DMD: variants seen among roughly 807,000 people sequenced by gnomAD.
The protein encoded by DMD is dystrophin, also known as mutant dystrophin.
Under a neutral mutation model 330.1 loss-of-function variants are expected in DMD, and 63 were observed. The observed-to-expected ratio is 0.19, with a 90% confidence interval of 0.16 to 0.24. DMD has a LOEUF of 0.24. DMD is among the 10% of genes least tolerant of loss of function. The pLI is 1.00. For synonymous variants in DMD, 1,223 were observed against 959.8 expected (o/e 1.27, Z -5.07); for missense variants, 3,344 against 2,684.1 (o/e 1.25, Z -5.43).
At chrX:31,554,137 C>T (rs913928244) in intron 55 of DMD, among the ~76,000 whole-genome samples, 4 of 112,093 alleles carry the variant, frequency 3.6e-5, no homozygotes, top group Non-Finnish European at 7.5e-5. Flanking sequence ...ACCACTGAAA[C>T]AATATATGTG....
rs145277514 is a variant in DMD at position 31,421,187 on chromosome X, G to T, written c.9084+23294C>A. Among the ~76,000 whole-genome samples the T allele has an allele frequency of 9.0e-3, 1,003 of 111,724 alleles. 2 individuals are homozygous for T. Among genetic ancestry groups the T allele is most frequent in the South Asian group, 0.024 (65 of 2,692 alleles). On this transcript the variant is annotated intron_variant, in intron 60 of 78. Coordinates refer to ENST00000357033, the MANE Select transcript of DMD (RefSeq NM_004006.3). ...GTTTCTATATGGGGTTGCCTTTCAC[G>T]TCCCCTCCCCTTGCAGAGATAATGA...
intron 29 of DMD, among the ~76,000 whole-genome samples, chrX:32,418,726 C>A (rs1488695032): frequency 9.1e-6 from 1 of 110,357 alleles, no homozygotes; most frequent in Non-Finnish European, 1.9e-5. Flanking sequence ...TTGTTTAGAA[C>A]CGGCAAGATG....
At chrX:32,479,732 T>C (rs2041646077) in intron 21 of DMD, among the ~76,000 whole-genome samples, 1 of 109,978 alleles carries the variant, frequency 9.1e-6, no homozygotes, top group Non-Finnish European at 1.9e-5. Flanking sequence ...TATCTCTATA[T>C]ATCAGTATAT....
chrX:32,159,677 C>T (rs1274022302), intron 44 of DMD, among the ~76,000 whole-genome samples: 1 of 111,807 alleles, frequency 8.9e-6, no homozygotes, highest in Non-Finnish European at 1.9e-5. Context: ...ATTCAGCATC[C>T]AGACAGACAA....
At chrX:33,252,614 T>TG (rs201378871) in intron 1 of DMD, among the ~76,000 whole-genome samples, 10,291 of 107,262 alleles carry the variant, frequency 0.096, 1,014 homozygotes, top group African/African-American at 0.29. Context: ...TGGGGTTGAA[T>TG]GGGGGGGGTG....
At chrX:31,264,152 T>A (rs2050801157) in intron 62 of DMD, among the ~76,000 whole-genome samples, 1 of 112,404 alleles carries the variant, frequency 8.9e-6, no homozygotes, top group Non-Finnish European at 1.9e-5. Context: ...CAGCTTCGTT[T>A]CTTACTCTGT....
At chrX:32,779,746 A>T (rs187472564) in intron 7 of DMD, among the ~76,000 whole-genome samples, 1,720 of 102,753 alleles carry the variant, frequency 0.017, 27 homozygotes, top group Non-Finnish European at 0.026. Context: ...GAGGGATAGC[A>T]TTAGGAGATA....
chrX:33,058,471 A>ATTTT (rs1163854705), intron 1 of DMD, among the ~76,000 whole-genome samples: 2 of 51,053 alleles, frequency 3.9e-5, no homozygotes, highest in East Asian at 2.2e-3. Flanking sequence ...TTATTATTTT[A>ATTTT]TTTTTTTTTT....
chrX:33,110,033 C>A (rs778382813), intron 1 of DMD, among the ~76,000 whole-genome samples: 17 of 111,422 alleles, frequency 1.5e-4, no homozygotes, highest in African/African-American at 5.5e-4. Context: ...CCTGACCCTG[C>A]AAGCTCTCAC....
At chrX:32,557,694 T>C (rs1400249463) in intron 16 of DMD, among the ~76,000 whole-genome samples, 2 of 111,705 alleles carry the variant, frequency 1.8e-5, no homozygotes, top group Admixed American at 1.9e-4. Flanking sequence ...CTGGTAAAGA[T>C]TTGCATCTCT....
chrX:31,666,217 C>G (rs2081416455), intron 53 of DMD, among the ~76,000 whole-genome samples: 1 of 111,689 alleles, frequency 9.0e-6, no homozygotes, highest in Admixed American at 9.5e-5. Context: ...ATATCCAGTG[C>G]CTTTTCACGC....
chrX:32,692,314 C>T (rs2063337054), intron 9 of DMD, among the ~76,000 whole-genome samples: 1 of 112,073 alleles, frequency 8.9e-6, no homozygotes, highest in South Asian at 3.7e-4. Context: ...TGAGCTAAAA[C>T]CTAACAATTC....
chrX:32,737,481 TA>T (rs932651631), intron 7 of DMD, among the ~76,000 whole-genome samples: 6 of 109,255 alleles, frequency 5.5e-5, no homozygotes, highest in Admixed American at 2.0e-4. Context: ...CTTATTCCAT[TA>T]AAAAAAAAGA....
chrX:31,478,887 G>A, intron 58 of DMD, 96 bp downstream of exon 58: 1 of 940,979 alleles, frequency 1.1e-6, no homozygotes, highest in African/African-American at 2.0e-5. Context: ...AAGAAAATAT[G>A]AGAGCTATCC....
At chrX:32,554,873 GGAAAGAAGAAAGAAAGAAA>G (rs2050043094) in intron 16 of DMD, among the ~76,000 whole-genome samples, 3 of 31,164 alleles carry the variant, frequency 9.6e-5, no homozygotes, top group Non-Finnish European at 2.0e-4. Context: ...AGAGAGAGAA[GGAAAGAAGAAAGAAAGAAA>G]GAAAGAAAGA....
intron 17 of DMD, among the ~76,000 whole-genome samples, chrX:32,528,605 G>A: frequency 9.0e-6 from 1 of 111,205 alleles, no homozygotes; most frequent in Non-Finnish European, 1.9e-5. Context: ...AAGGGAAGTG[G>A]GGGTCAGACA....
At chrX:33,294,352 T>C (rs1366449837) in intron 1 of DMD, among the ~76,000 whole-genome samples, 3 of 111,358 alleles carry the variant, frequency 2.7e-5, no homozygotes, top group Non-Finnish European at 3.8e-5. Flanking sequence ...ATTTCAGAAG[T>C]GTTTCTCTCC....
chrX:31,816,803 C>CACACACACAT (rs1310075442), intron 50 of DMD, among the ~76,000 whole-genome samples: 1 of 102,075 alleles, frequency 9.8e-6, no homozygotes, highest in African/African-American at 3.5e-5. Flanking sequence ...GTCACACACA[C>CACACACACAT]ACACACACAC....
chrX:32,542,048 G>A (rs888568003), intron 17 of DMD, among the ~76,000 whole-genome samples: 1 of 111,397 alleles, frequency 9.0e-6, no homozygotes, highest in Non-Finnish European at 1.9e-5. Flanking sequence ...GCTTTAATTT[G>A]AGGGAGAGTG....
Sources: gnomAD v4.1 joint callset for allele counts (sites outside exome capture counted in the v4.1 genomes callset) on GRCh38, gnomAD v4.1.1 for gene constraint, MANE v1.5 for transcripts, NCBI Gene and HGNC (gene_info 2026-07-23, HGNC 2026-07-21) for gene names.